Variants in DNAH7 observed in about 807,000 individuals in gnomAD.
DNAH7 encodes the protein dynein axonemal heavy chain 7.
DNAH7 carries 397 observed loss-of-function variants against 444.6 expected under a neutral mutation model. The observed-to-expected ratio is 0.89, with a 90% CI of 0.82 to 0.97. DNAH7 has a LOEUF of 0.97. Among genes scored for constraint, DNAH7 ranks in the 50% least tolerant of loss-of-function variants. DNAH7 has a pLI of 0.00. For synonymous variants in DNAH7, 1,636 were observed against 1,624.4 expected (o/e 1.01, Z -0.17); for missense variants, 4,902 against 4,800.8 (o/e 1.02, Z -0.62).
chr2:195,825,840 A>G (rs1697718015), intron 48 of DNAH7, among the ~76,000 whole-genome samples: 2 of 152,184 alleles, frequency 1.3e-5, no homozygotes, highest in Non-Finnish European at 2.9e-5. Flanking sequence ...AATTGCCATG[A>G]AAGTGCAGAC....
At chr2:195,962,963 C>T (rs978460831) in intron 17 of DNAH7, among the ~76,000 whole-genome samples, 3 of 152,160 alleles carry the variant, frequency 2.0e-5, no homozygotes, top group African/African-American at 7.2e-5. Context: ...TTTGTTATGG[C>T]TGAATAGTAC....
intron 12 of DNAH7, among the ~76,000 whole-genome samples, chr2:195,993,618 T>TA (rs1391176818): frequency 1.3e-5 from 2 of 152,214 alleles, no homozygotes; most frequent in Non-Finnish European, 1.5e-5. Flanking sequence ...AAACAGGTTC[T>TA]TCATCCTAAA....
intron 5 of DNAH7, among the ~76,000 whole-genome samples, chr2:196,044,907 A>AAAT (rs1218410933): frequency 1.3e-5 from 2 of 151,990 alleles, no homozygotes; most frequent in East Asian, 3.9e-4. Context: ...TCTCTACAAA[A>AAAT]AATAATAATA....
At position 195,766,167 on chromosome 2, in the gene DNAH7, A is replaced by ATTTTTTTTTTTTTTTTTTT. The variant is rs755912873; in HGVS notation, c.11433+5474_11433+5492dup. Among the ~76,000 whole-genome samples, 190 of 57,332 alleles carry ATTTTTTTTTTTTTTTTTTT rather than the reference A, an allele frequency of 3.3e-3. 34 individuals carry two copies. The highest frequency in any genetic ancestry group is 5.5e-3 in the Non-Finnish European group (148 of 26,860). The allele number at this position is 57,332 out of a possible 152,430, so 37.6% of individuals were successfully genotyped here. On this transcript the variant is annotated intron_variant, in intron 61 of 64. Transcript: ENST00000312428. Reference sequence around the variant, plus strand: ...GTTCTCGTTTAATTTGTGGGAGCTAATTTTTTTTTTTTTTTTTTTTTTTTG... The same window carrying ATTTTTTTTTTTTTTTTTTT: ...GTTCTCGTTTAATTTGTGGGAGCTAATTTTTTTTTTTTTTTTTTTTTTTTTTTTTTTTTTTTTTTTTTTG...
At chr2:195,949,299 A>AT (rs1272704508) in intron 19 of DNAH7, among the ~76,000 whole-genome samples, 1 of 151,888 alleles carries the variant, frequency 6.6e-6, no homozygotes, top group Non-Finnish European at 1.5e-5. Flanking sequence ...TTATTTATTT[A>AT]TTGAGATGGA....
intron 10 of DNAH7, among the ~76,000 whole-genome samples, chr2:196,005,719 A>ATT (rs1268511223): frequency 6.6e-6 from 1 of 152,190 alleles, no homozygotes; most frequent in Non-Finnish European, 1.5e-5. Flanking sequence ...ATTAATATTA[A>ATT]TAATTTACAA....
chr2:195,764,410 A>T (rs1023275224), intron 61 of DNAH7, among the ~76,000 whole-genome samples: 1 of 152,180 alleles, frequency 6.6e-6, no homozygotes, highest in Non-Finnish European at 1.5e-5. Context: ...AAGAGAAAGA[A>T]ATAAAGCACA....
At position 195,922,148 on chromosome 2, in the gene DNAH7, T is replaced by C. The variant is rs765517475; in HGVS notation, c.3875A>G (p.Tyr1292Cys). Residue 1292 changes from tyrosine to cysteine, a missense_variant, in exon 24 of 65, where the codon TAT becomes TGT. By Grantham distance (194) the Tyr-to-Cys change is radical. Coordinates refer to ENST00000312428, the MANE Select transcript of DNAH7 (RefSeq NM_018897.3). ...KMINAGLRYG[Y>C]EYLGNSPRLV... ...CCTAGGGGAATTACCCAGATATTCATATCCATATCGCAAACCAGCATTGAT... is the reference window on the plus strand; with the variant it reads ...CCTAGGGGAATTACCCAGATATTCACATCCATATCGCAAACCAGCATTGAT... The C allele has an allele frequency of 1.2e-6, 2 of 1,613,556 alleles. No homozygotes were observed. The highest frequency in any genetic ancestry group is 1.7e-6 in the Non-Finnish European group (2 of 1,179,480).
intron 15 of DNAH7, among the ~76,000 whole-genome samples, chr2:195,976,776 A>AGAGAGAGAGAGAGAGAGAGAGAGG (rs1692231816): frequency 1.3e-5 from 2 of 151,280 alleles, no homozygotes; most frequent in Non-Finnish European, 3.0e-5. Context: ...AGAGAGAGAG[A>AGAGAGAGAGAGAGAGAGAGAGAGG]GAGAGAGAGA....
At chr2:195,953,643 G>A (rs1690421996) in intron 19 of DNAH7, among the ~76,000 whole-genome samples, 1 of 152,200 alleles carries the variant, frequency 6.6e-6, no homozygotes, top group Non-Finnish European at 1.5e-5. Context: ...CCAGAGAGGA[G>A]GAATCTAGAG....
chr2:195,793,801 G>T (rs1416108134), intron 57 of DNAH7, among the ~76,000 whole-genome samples: 1 of 152,134 alleles, frequency 6.6e-6, no homozygotes, highest in African/African-American at 2.4e-5. Flanking sequence ...GCAAAACGCT[G>T]TGAAACAATT....
At chr2:195,793,395 G>GACT (rs1295793758) in intron 57 of DNAH7, among the ~76,000 whole-genome samples, 1 of 152,192 alleles carries the variant, frequency 6.6e-6, no homozygotes, top group Admixed American at 6.5e-5. Flanking sequence ...AAATGTAGGT[G>GACT]ACTACTGCTG....
At chr2:195,738,842 A>G (rs1441745449) in intron 64 of DNAH7, among the ~76,000 whole-genome samples, 1 of 152,222 alleles carries the variant, frequency 6.6e-6, no homozygotes, top group African/African-American at 2.4e-5. Flanking sequence ...AGGACTTGAC[A>G]GCCCCAATGT....
chr2:196,013,734 T>C (rs1043678247), intron 9 of DNAH7, among the ~76,000 whole-genome samples: 6 of 152,240 alleles, frequency 3.9e-5, no homozygotes, highest in Admixed American at 3.3e-4. Flanking sequence ...CAATGTGTTA[T>C]TCTGCATAAT....
rs369388805 is a variant in DNAH7, at chr2:196,010,151, C to CT, written c.989+2635dup. Among the ~76,000 whole-genome samples, 236 of 145,004 alleles carry CT rather than the reference C, an allele frequency of 1.6e-3. 1 individual carries two copies. Among genetic ancestry groups the CT allele is most frequent in the East Asian group, 2.0e-3 (10 of 4,984 alleles). On this transcript the variant is annotated intron_variant, in intron 10 of 64. Coordinates refer to ENST00000312428, the MANE Select transcript of DNAH7 (RefSeq NM_018897.3). ...CCTGCTCTTCTTCTTCTTTCTCTCT[C>CT]TTTTTTTTTTTTTCTTGAGCCAGAG...
In DNAH7 at chr2:195,778,643, AAT is replaced by A. The variant is rs1169066622; in HGVS notation, c.10879-660_10879-659del. Reference sequence around the variant, plus strand: ...GAAAAAAAAAAAAAATAAATAAATAAATATATATATATATATATATATATATA... The same window carrying A: ...GAAAAAAAAAAAAAATAAATAAATAAATATATATATATATATATATATATA... On this transcript the variant is annotated intron_variant, in intron 58 of 64. Coordinates refer to ENST00000312428, the MANE Select transcript of DNAH7 (RefSeq NM_018897.3). Among the ~76,000 whole-genome samples the A allele has an allele frequency of 8.2e-4, 46 of 56,212 alleles. 1 individual carries two copies. Among genetic ancestry groups the A allele is most frequent in the African/African-American group, 2.7e-3 (27 of 10,018 alleles). The allele number at this position is 56,212 out of a possible 152,430, so 36.9% of individuals were successfully genotyped here.
intron 54 of DNAH7, among the ~76,000 whole-genome samples, chr2:195,800,542 C>G (rs1696394663): frequency 6.6e-6 from 1 of 152,114 alleles, no homozygotes; most frequent in South Asian, 2.1e-4. Flanking sequence ...TCTCCCTGAA[C>G]AGGGGATTAA....
chr2:195,919,029 T>C (rs921417132), intron 24 of DNAH7, among the ~76,000 whole-genome samples: 3 of 152,076 alleles, frequency 2.0e-5, no homozygotes, highest in African/African-American at 7.2e-5. Flanking sequence ...GGCTGGCAGA[T>C]CACGAGGTCA....
Position 195,824,444 on chromosome 2 carries a change from C to G in DNAH7, c.9102G>C (p.Val3034=). ...GTTCTTCGCCAACATTTTCTAGCAA[C>G]ACTGGAGTAAAATCAGAAAAGATTT... is the stretch of plus-strand genomic sequence containing the variant. ...LENCIQFGTP[V]LLENVGEELD... Residue 3034 remains valine (V), a splice_region_variant and synonymous_variant, in exon 49 of 65, where the codon GTG becomes GTC. Coordinates refer to ENST00000312428, the MANE Select transcript of DNAH7 (RefSeq NM_018897.3). 1 of 1,596,562 alleles carries G rather than the reference C, an allele frequency of 6.3e-7. No homozygotes were observed. Among genetic ancestry groups the G allele is most frequent in the South Asian group, 1.2e-5 (1 of 86,302 alleles).
Sources: allele counts gnomAD v4.1 joint callset (sites outside exome capture counted in the v4.1 genomes callset), GRCh38; gene constraint gnomAD v4.1.1; transcripts MANE v1.5; gene names NCBI Gene and HGNC (gene_info 2026-07-23, HGNC 2026-07-21).